The following TBC1D1 variants were observed in gnomAD, a reference collection of about 807,000 sequenced individuals.
TBC1D1 encodes the protein TBC1 domain family member 1, also known as TBC1 (tre-2/USP6, BUB2, cdc16) domain family, member 1.
Under a neutral mutation model 125.6 loss-of-function variants are expected in TBC1D1, and 89 were observed. That is an observed-to-expected ratio of 0.71 (90% CI 0.60 to 0.85). The LOEUF (loss-of-function observed/expected upper bound fraction) is 0.85, where lower values mean the gene tolerates loss of function less well. Among genes scored for constraint, TBC1D1 ranks in the 40% least tolerant of loss-of-function variants. TBC1D1 has a pLI of 0.00. For synonymous variants in TBC1D1, 565 were observed against 564.1 expected (o/e 1.00, Z -0.02); for missense variants, 1,377 against 1,469.2 (o/e 0.94, Z 1.03).
intron 2 of TBC1D1, among the ~76,000 whole-genome samples, chr4:37,954,842 G>T (rs1578026860): frequency 7.2e-6 from 1 of 138,420 alleles, no homozygotes; most frequent in Non-Finnish European, 1.5e-5. Context: ...AAAAATCTAT[G>T]TATCATATGA....
At chr4:37,896,361 T>A (rs1714625112) in intron 1 of TBC1D1, among the ~76,000 whole-genome samples, 1 of 152,180 alleles carries the variant, frequency 6.6e-6, no homozygotes, top group Non-Finnish European at 1.5e-5. Flanking sequence ...GGGTTCCCAA[T>A]AAGCAGCTTA....
At chr4:38,003,187 T>A (rs1240795428) in intron 2 of TBC1D1, among the ~76,000 whole-genome samples, 2 of 152,194 alleles carry the variant, frequency 1.3e-5, no homozygotes, top group African/African-American at 4.8e-5. Context: ...TACAATTAGA[T>A]CTATAACTAA....
intron 2 of TBC1D1, among the ~76,000 whole-genome samples, chr4:37,914,492 G>C (rs1719290543): frequency 6.6e-6 from 1 of 152,080 alleles, no homozygotes; most frequent in African/African-American, 2.4e-5. Flanking sequence ...CTCCATTACA[G>C]AGCCCAAGCC....
chr4:38,123,956 G>T (rs1046690827), intron 17 of TBC1D1, among the ~76,000 whole-genome samples: 3 of 152,072 alleles, frequency 2.0e-5, no homozygotes, highest in African/African-American at 7.2e-5. Context: ...ATCTAGAGAG[G>T]CACCCTGCAA....
chr4:37,948,228 G>A (rs1191197840), intron 2 of TBC1D1, among the ~76,000 whole-genome samples: 2 of 152,160 alleles, frequency 1.3e-5, no homozygotes, highest in Non-Finnish European at 2.9e-5. Flanking sequence ...GAGGGCAGTG[G>A]GTGTGTGAAG....
At chr4:38,069,258 A>G (rs1403659778) in intron 12 of TBC1D1, among the ~76,000 whole-genome samples, 1 of 152,098 alleles carries the variant, frequency 6.6e-6, no homozygotes, top group Non-Finnish European at 1.5e-5. Flanking sequence ...AGTATCACCA[A>G]CCTGTTTGTT....
At chr4:38,011,508 G>C (rs1028423768) in intron 2 of TBC1D1, among the ~76,000 whole-genome samples, 1 of 152,128 alleles carries the variant, frequency 6.6e-6, no homozygotes. Flanking sequence ...AATGGAATTA[G>C]GCTTTTTAAC....
chr4:38,013,148 G>A (rs1741897713), intron 2 of TBC1D1, among the ~76,000 whole-genome samples: 1 of 152,186 alleles, frequency 6.6e-6, no homozygotes, highest in African/African-American at 2.4e-5. Context: ...TATTTAAAAT[G>A]TAAAACTTTC....
intron 18 of TBC1D1, among the ~76,000 whole-genome samples, chr4:38,128,328 T>C (rs637495): frequency 0.72 from 108,957 of 152,080 alleles, 39,318 homozygotes; most frequent in African/African-American, 0.78. Flanking sequence ...TCTGCTTTCC[T>C]ACTGCCCCCT....
intron 3 of TBC1D1, 70 bp downstream of exon 3, chr4:38,015,043 G>T: frequency 7.7e-7 from 1 of 1,302,016 alleles, no homozygotes; most frequent in Non-Finnish European, 1.0e-6. Flanking sequence ...CTGCTTTATG[G>T]AGCGAAGATT....
chr4:38,114,245 C>A (rs1374519678), intron 15 of TBC1D1, among the ~76,000 whole-genome samples: 1 of 152,082 alleles, frequency 6.6e-6, no homozygotes, highest in Non-Finnish European at 1.5e-5. Flanking sequence ...TGCTTACTAG[C>A]AGCAAGGTGA....
chr4:38,040,855 T>G (rs568282149), intron 8 of TBC1D1, among the ~76,000 whole-genome samples: 43 of 152,344 alleles, frequency 2.8e-4, no homozygotes, highest in African/African-American at 9.4e-4. Flanking sequence ...TAGCAGGCAC[T>G]TGGTCACTAT....
intron 2 of TBC1D1, chr4:37,952,006 T>C: frequency 1.4e-6 from 1 of 717,700 alleles, no homozygotes; most frequent in Non-Finnish European, 2.6e-6. Flanking sequence ...TGTATTACAG[T>C]GCTCATCATC....
At chr4:38,067,776 A>G (rs1753992587) in intron 12 of TBC1D1, among the ~76,000 whole-genome samples, 1 of 152,132 alleles carries the variant, frequency 6.6e-6, no homozygotes. Flanking sequence ...CAGGCTGCAT[A>G]CAGTTAGACC....
At chr4:37,942,215 G>A (rs1279843101) in intron 2 of TBC1D1, among the ~76,000 whole-genome samples, 2 of 152,178 alleles carry the variant, frequency 1.3e-5, no homozygotes, top group Non-Finnish European at 2.9e-5. Flanking sequence ...TCCTGTATTG[G>A]CTGCATATAT....
At chr4:38,034,788 C>G (rs184042698) in intron 7 of TBC1D1, among the ~76,000 whole-genome samples, 54 of 152,338 alleles carry the variant, frequency 3.5e-4, no homozygotes, top group African/African-American at 1.2e-3. Flanking sequence ...TATCCCAAAA[C>G]AATTCATTTT....
intron 2 of TBC1D1, among the ~76,000 whole-genome samples, chr4:37,963,473 T>C (rs2152335152): frequency 6.6e-6 from 1 of 152,196 alleles, no homozygotes; most frequent in Admixed American, 6.5e-5. Context: ...GCCAACATGG[T>C]AAAACCCCAT....
At chr4:38,023,742 T>C (rs1744523584) in intron 6 of TBC1D1, among the ~76,000 whole-genome samples, 2 of 152,252 alleles carry the variant, frequency 1.3e-5, no homozygotes, top group South Asian at 4.1e-4. Context: ...TCCTTCCCCC[T>C]TTTGACTGTT....
chr4:38,060,053 T>C (rs1207852623), intron 12 of TBC1D1, among the ~76,000 whole-genome samples: 1 of 152,200 alleles, frequency 6.6e-6, no homozygotes, highest in African/African-American at 2.4e-5. Context: ...AAGGACATGG[T>C]CTCATTCATT....
Sources: allele counts gnomAD v4.1 joint callset (sites outside exome capture counted in the v4.1 genomes callset), GRCh38; gene constraint gnomAD v4.1.1; transcripts MANE v1.5; gene names NCBI Gene and HGNC (gene_info 2026-07-23, HGNC 2026-07-21).